Variants in DNAJC10 observed in about 807,000 individuals in gnomAD.
DNAJC10 encodes the protein DnaJ heat shock protein family (Hsp40) member C10.
A neutral mutation model predicts 115.0 loss-of-function variants in DNAJC10; 101 were observed. That is an observed-to-expected ratio of 0.88 (90% CI 0.75 to 1.04). The LOEUF (loss-of-function observed/expected upper bound fraction) is 1.04. Among genes scored for constraint, DNAJC10 ranks in the 50% least tolerant of loss-of-function variants. The pLI, the probability that DNAJC10 is intolerant of heterozygous loss-of-function variation, is 0.00. For synonymous variants in DNAJC10, 307 were observed against 301.5 expected, an observed-to-expected ratio of 1.02 and a Z score of -0.19; for missense variants, 981 against 928.8, an observed-to-expected ratio of 1.06 and a Z score of -0.73.
rs1389418755 is a variant in DNAJC10, at chr2:182,775,302, G to C, written c.2266-14G>C. On this transcript the variant is annotated splice_polypyrimidine_tract_variant and intron_variant, in intron 22 of 23. Transcript: ENST00000264065. ...ATTAAATACTTAAAAGATAACAAGT[G>C]TTTTTAATTTTAGAGAAATTTTCAA... 2.6e-6 allele frequency: 4 copies of C among 1,513,352 alleles called. No homozygotes were observed. Among genetic ancestry groups the C allele is most frequent in the Non-Finnish European group, 2.7e-6 (3 of 1,092,758 alleles). The allele number at this position is 1,513,352 out of a possible 1,614,324, so 93.7% of individuals were successfully genotyped here. A position where few individuals can be genotyped will look rare whatever the true frequency, so the allele number is the denominator to read the frequency against.
intron 22 of DNAJC10, among the ~76,000 whole-genome samples, chr2:182,769,715 T>TA (rs549190903): frequency 2.0e-5 from 3 of 152,210 alleles, no homozygotes; most frequent in African/African-American, 7.2e-5. Context: ...AGATTCTGGA[T>TA]ATTAGCCCTT....
rs1231191697 is a variant in DNAJC10, at chr2:182,756,416, C to G, written c.1756C>G (p.Pro586Ala). Reference sequence around the variant, plus strand: ...AGTCTGGATGGTTGATTTCTATTCTCCGTGGTGTCATCCTTGCCAAGTCTT... The same window carrying G: ...AGTCTGGATGGTTGATTTCTATTCTGCGTGGTGTCATCCTTGCCAAGTCTT... ...NEVWMVDFYS[P>A]WCHPCQVLMP... The change falls in exon 18 of 24, where the codon CCG becomes GCG. Residue 586 changes from proline (P) to alanine (A), a missense_variant. Physicochemically the swap from Pro to Ala is conservative, Grantham distance 27. Transcript: ENST00000264065. 2 of 1,613,924 alleles carry G rather than the reference C, an allele frequency of 1.2e-6. No individual in the cohort carries two copies. Among genetic ancestry groups the G allele is most frequent in the East Asian group, 2.2e-5 (1 of 44,878 alleles).
chr2:182,718,347 T>C, intron 3 of DNAJC10, 57 bp downstream of exon 3: 1 of 1,337,282 alleles, frequency 7.5e-7, no homozygotes, highest in South Asian at 1.5e-5. Flanking sequence ...CATTTTGATA[T>C]TTATTTAAAT....
In DNAJC10 at chr2:182,778,553, C is replaced by T. The variant is rs1694768634; in HGVS notation, c.*1421C>T. ...CTTTATTGTGTTTTGAGGAGTTTTCCTTTTTTTCTTTTCAATATCACTTTA... is the reference window on the plus strand; with the variant it reads ...CTTTATTGTGTTTTGAGGAGTTTTCTTTTTTTTCTTTTCAATATCACTTTA... On this transcript the variant is annotated 3_prime_UTR_variant, in exon 24 of 24. Coordinates refer to ENST00000264065, the MANE Select transcript of DNAJC10 (RefSeq NM_018981.4). The T allele has an allele frequency of 7.6e-6, 1 of 131,636 alleles. No individual in the cohort carries two copies. Among genetic ancestry groups the T allele is most frequent in the African/African-American group, 3.0e-5 (1 of 33,772 alleles). The allele number at this position is 131,636 out of a possible 1,614,324, so 8.2% of individuals were successfully genotyped here.
intron 11 of DNAJC10, chr2:182,739,878 T>C: frequency 1.0e-6 from 1 of 987,102 alleles, no homozygotes; most frequent in South Asian, 4.6e-5. Flanking sequence ...TTCTTCCTTC[T>C]AGTGTTATAA....
chr2:182,733,301 A>G (rs755799157), intron 10 of DNAJC10, among the ~76,000 whole-genome samples: 14 of 151,872 alleles, frequency 9.2e-5, no homozygotes, highest in Non-Finnish European at 1.9e-4. Flanking sequence ...GTTTACACAA[A>G]TTCTGTTTTA....
At chr2:182,765,065 A>C (rs1209509476) in intron 22 of DNAJC10, among the ~76,000 whole-genome samples, 1 of 152,162 alleles carries the variant, frequency 6.6e-6, no homozygotes, top group East Asian at 1.9e-4. Flanking sequence ...CTCAGACAGC[A>C]TATAGGAAGA....
At chr2:182,756,503 A>G (rs975147894) in intron 18 of DNAJC10, 34 bp downstream of exon 18, 15 of 1,569,442 alleles carry the variant, frequency 9.6e-6, no homozygotes, top group Non-Finnish European at 1.3e-5. Flanking sequence ...AAATCTTAAC[A>G]TTTACTAAGA....
At chr2:182,731,728 C>T (rs1204762785) in intron 9 of DNAJC10, among the ~76,000 whole-genome samples, 2 of 152,192 alleles carry the variant, frequency 1.3e-5, no homozygotes, top group African/African-American at 2.4e-5. Context: ...CACATTTCAT[C>T]TCTCAGCCTT....
chr2:182,771,321 T>TGGC (rs1480793842), intron 22 of DNAJC10, among the ~76,000 whole-genome samples: 2 of 152,210 alleles, frequency 1.3e-5, no homozygotes, highest in Non-Finnish European at 2.9e-5. Flanking sequence ...GGCTTTGGTA[T>TGGC]CAGGATGATG....
intron 22 of DNAJC10, among the ~76,000 whole-genome samples, chr2:182,771,726 T>C (rs1694568541): frequency 6.6e-6 from 1 of 152,212 alleles, no homozygotes; most frequent in African/African-American, 2.4e-5. Flanking sequence ...CTTTTCCTAT[T>C]AGTCTTGTTA....
chr2:182,742,193 CTCTTT>C lies in DNAJC10; in HGVS notation c.1191+844_1191+848del, dbSNP rs148595492. Among the ~76,000 whole-genome samples the C allele has an allele frequency of 7.3e-3, 1,113 of 152,092 alleles. 12 individuals are homozygous for C. Among genetic ancestry groups the C allele is most frequent in the African/African-American group, 0.026 (1,059 of 41,484 alleles). Reference sequence around the variant, plus strand: ...TGTCTTTAATATGGGAAATTTTCTTCTCTTTTCTTTTGAGACAGAGTCATTCTGTC... The same window carrying C: ...TGTCTTTAATATGGGAAATTTTCTTCTCTTTTGAGACAGAGTCATTCTGTC... On this transcript the variant is annotated intron_variant, in intron 13 of 23. Transcript: ENST00000264065.
chr2:182,766,531 G>C (rs1430312136), intron 22 of DNAJC10, among the ~76,000 whole-genome samples: 1 of 152,144 alleles, frequency 6.6e-6, no homozygotes, highest in Non-Finnish European at 1.5e-5. Context: ...TGCCTTCTAG[G>C]TTTTATCTCA....
intron 22 of DNAJC10, among the ~76,000 whole-genome samples, chr2:182,770,801 CTTTTTCTT>C (rs1378649677): frequency 6.6e-6 from 1 of 152,158 alleles, no homozygotes; most frequent in Non-Finnish European, 1.5e-5. Flanking sequence ...CCCTTTATTT[CTTTTTCTT>C]GCCTAATTGC....
chr2:182,723,836 A>G (rs558675486), intron 5 of DNAJC10, among the ~76,000 whole-genome samples: 2 of 152,354 alleles, frequency 1.3e-5, no homozygotes, highest in East Asian at 1.9e-4. Flanking sequence ...TAGTTCATAT[A>G]GAACCCCAAA....
chr2:182,727,440 TAC>T (rs1439282910), intron 5 of DNAJC10, among the ~76,000 whole-genome samples: 2 of 152,246 alleles, frequency 1.3e-5, no homozygotes, highest in African/African-American at 2.4e-5. Flanking sequence ...TTAATATTTT[TAC>T]CTAAATTTGT....
At position 182,782,902 on chromosome 2, in the gene DNAJC10, GCTTT is replaced by G. The variant is rs1574967265; in HGVS notation, c.*5777_*5780del. ...ACTTCCTCTCTTCCTGTTTGAATACGCTTTCTTTCTCTTGCCTGATTGTCCTGGC... is the reference window on the plus strand; with the variant it reads ...ACTTCCTCTCTTCCTGTTTGAATACGCTTTCTCTTGCCTGATTGTCCTGGC... On this transcript the variant is annotated 3_prime_UTR_variant, in exon 24 of 24. Transcript: ENST00000264065. 1 of 152,072 alleles carries G rather than the reference GCTTT, an allele frequency of 6.6e-6. No individual in the cohort carries two copies. The highest frequency in any genetic ancestry group is 2.4e-5 in the African/African-American group (1 of 41,410). 9.4% of individuals were successfully genotyped at this position (152,072 alleles called of 1,614,324 possible).
At chr2:182,728,327 G>T (rs1221037872) in intron 5 of DNAJC10, among the ~76,000 whole-genome samples, 1 of 151,984 alleles carries the variant, frequency 6.6e-6, no homozygotes, top group Admixed American at 6.6e-5. Context: ...TATGGGCGTA[G>T]GAGAGTTTTT....
chr2:182,769,901 A>G (rs561402741), intron 22 of DNAJC10, among the ~76,000 whole-genome samples: 30 of 152,254 alleles, frequency 2.0e-4, no homozygotes, highest in Non-Finnish European at 1.0e-4. Context: ...GCCCATGCCT[A>G]TGTCCTGAAT....
Sources: allele counts gnomAD v4.1 joint callset (sites outside exome capture counted in the v4.1 genomes callset), GRCh38; gene constraint gnomAD v4.1.1; transcripts MANE v1.5; gene names NCBI Gene and HGNC (gene_info 2026-07-23, HGNC 2026-07-21).